The following BCR variants were observed in gnomAD, a reference collection of about 807,000 sequenced individuals.
BCR encodes the protein breakpoint cluster region protein.
Under a neutral mutation model 138.6 loss-of-function variants are expected in BCR, and 58 were observed. The observed-to-expected ratio is 0.42, with a 90% CI of 0.34 to 0.52. BCR has a LOEUF of 0.52. Among genes scored for constraint, BCR ranks in the 20% least tolerant of loss-of-function variants. The probability of loss-of-function intolerance (pLI) is 0.06; values close to 1 mark genes in which losing one functional copy is unlikely to be tolerated. For synonymous variants in BCR, 786 were observed against 730.1 expected (o/e 1.08, Z -1.23); for missense variants, 1,599 against 1,727.2 (o/e 0.93, Z 1.32).
At chr22:23,191,860 A>G (rs952016299) in intron 1 of BCR, among the ~76,000 whole-genome samples, 2 of 152,076 alleles carry the variant, frequency 1.3e-5, no homozygotes, top group African/African-American at 4.8e-5. Flanking sequence ...CCGGCGATGA[A>G]ACGTTGGCTT....
At chr22:23,311,342 A>C (rs982076796) in intron 18 of BCR, among the ~76,000 whole-genome samples, 1,653 of 150,142 alleles carry the variant, frequency 0.011, 38 homozygotes, top group African/African-American at 0.039. Context: ...CAGGACCAAC[A>C]CCGGGTCTGA....
chr22:23,267,127 G>A (rs369092592), intron 4 of BCR, among the ~76,000 whole-genome samples: 27 of 152,270 alleles, frequency 1.8e-4, no homozygotes, highest in African/African-American at 6.5e-4. Flanking sequence ...AGAGGGCAGC[G>A]CCGTGTCTGA....
chr22:23,218,669 A>T (rs2072785414), intron 1 of BCR, among the ~76,000 whole-genome samples: 1 of 152,172 alleles, frequency 6.6e-6, no homozygotes, highest in South Asian at 2.1e-4. Flanking sequence ...TCACCACTCA[A>T]GCCACAAGTG....
At chr22:23,252,914 A>G (rs568356373) in intron 1 of BCR, among the ~76,000 whole-genome samples, 10 of 152,270 alleles carry the variant, frequency 6.6e-5, no homozygotes, top group African/African-American at 1.9e-4. Flanking sequence ...GACATTGTCT[A>G]CCTGGAGTTA....
At chr22:23,284,600 G>C (rs2073689389) in intron 9 of BCR, among the ~76,000 whole-genome samples, 1 of 152,206 alleles carries the variant, frequency 6.6e-6, no homozygotes, top group African/African-American at 2.4e-5. Context: ...TTGCCCTGCT[G>C]AGTGGGTTTA....
rs1246203766 is a variant in BCR, at chr22:23,263,137, T to A, written c.1752+1597T>A. On this transcript the variant is annotated intron_variant, in intron 4 of 22. Transcript: ENST00000305877. Reference sequence around the variant, plus strand: ...TACATCCCGGGGACAGGGGCGGCCATGGCGGCGGCAGCCAGGGAGGAGGAG... The same window carrying A: ...TACATCCCGGGGACAGGGGCGGCCAAGGCGGCGGCAGCCAGGGAGGAGGAG... 6 of 715,168 alleles carry A rather than the reference T, an allele frequency of 8.4e-6. 1 individual carries two copies. The Middle Eastern group carries it at 1.5e-3, about 181-fold the overall frequency. 44.3% of individuals were successfully genotyped at this position (715,168 alleles called of 1,614,324 possible).
intron 20 of BCR, among the ~76,000 whole-genome samples, chr22:23,313,546 G>A (rs1056919237): frequency 1.2e-4 from 17 of 143,992 alleles, no homozygotes; most frequent in Non-Finnish European, 2.2e-4. Flanking sequence ...CCAGGACGAC[G>A]AGGGGGTCTC....
At chr22:23,192,631 T>C (rs902857219) in intron 1 of BCR, among the ~76,000 whole-genome samples, 3 of 152,240 alleles carry the variant, frequency 2.0e-5, no homozygotes, top group African/African-American at 7.2e-5. Context: ...TGACTCTTGA[T>C]AGCTCCTTCT....
At chr22:23,196,624 C>G (rs1438425985) in intron 1 of BCR, among the ~76,000 whole-genome samples, 1 of 152,086 alleles carries the variant, frequency 6.6e-6, no homozygotes, top group Non-Finnish European at 1.5e-5. Context: ...TTTCCACAGA[C>G]TGGGGGTTAG....
chr22:23,228,836 GTTTTC>G (rs2072921538), intron 1 of BCR, among the ~76,000 whole-genome samples: 1 of 151,912 alleles, frequency 6.6e-6, no homozygotes, highest in African/African-American at 2.4e-5. Context: ...TCTGGCTGTA[GTTTTC>G]TTTCTTTATC....
At chr22:23,297,916 G>A (rs2073863968) in intron 16 of BCR, among the ~76,000 whole-genome samples, 2 of 152,210 alleles carry the variant, frequency 1.3e-5, no homozygotes, top group African/African-American at 2.4e-5. Context: ...AAGTATTTAT[G>A]CACGTGACCT....
chr22:23,206,053 C>G (rs1302342161), intron 1 of BCR, among the ~76,000 whole-genome samples: 1 of 152,166 alleles, frequency 6.6e-6, no homozygotes, highest in Non-Finnish European at 1.5e-5. Context: ...AGGATTCTTT[C>G]CTCAGAGAAG....
At chr22:23,203,073 T>C (rs1214646531) in intron 1 of BCR, among the ~76,000 whole-genome samples, 1 of 152,138 alleles carries the variant, frequency 6.6e-6, no homozygotes, top group African/African-American at 2.4e-5. Context: ...TTGCCCAGGC[T>C]GGTCTTAAAC....
chr22:23,263,549 C>G, intron 4 of BCR: 3 of 1,575,108 alleles, frequency 1.9e-6, no homozygotes, highest in Non-Finnish European at 2.6e-6. Flanking sequence ...CCTACCAGTT[C>G]CGTCCAGATG....
At chr22:23,201,098 G>A (rs1359569566) in intron 1 of BCR, among the ~76,000 whole-genome samples, 1 of 152,244 alleles carries the variant, frequency 6.6e-6, no homozygotes, top group Non-Finnish European at 1.5e-5. Context: ...AGAGGCCAAG[G>A]GCAGCAGGTC....
chr22:23,279,645 C>T (rs900438937), intron 8 of BCR, among the ~76,000 whole-genome samples: 5 of 152,252 alleles, frequency 3.3e-5, no homozygotes, highest in African/African-American at 9.6e-5. Flanking sequence ...CTTCCTTCTC[C>T]ACTTCCTCAG....
chr22:23,264,383 G>A, intron 4 of BCR: 1 of 836,952 alleles, frequency 1.2e-6, no homozygotes, highest in East Asian at 2.4e-5. Context: ...CCCTGCCTGT[G>A]GGCCAAGGAG....
At chr22:23,265,502 T>C in intron 4 of BCR, among the ~76,000 whole-genome samples, 1 of 152,254 alleles carries the variant, frequency 6.6e-6, no homozygotes, top group Non-Finnish European at 1.5e-5. Context: ...GAACTCGTGA[T>C]CCACGTCCAG....
intron 20 of BCR, among the ~76,000 whole-genome samples, chr22:23,313,453 T>A (rs535732352): frequency 1.3e-5 from 2 of 152,230 alleles, no homozygotes; most frequent in Admixed American, 6.5e-5. Flanking sequence ...CTGTGGCCTC[T>A]GCATCACCCT....
Sources: gnomAD v4.1 joint callset for allele counts (sites outside exome capture counted in the v4.1 genomes callset) on GRCh38, gnomAD v4.1.1 for gene constraint, MANE v1.5 for transcripts, NCBI Gene and HGNC (gene_info 2026-07-23, HGNC 2026-07-21) for gene names.